Variants in PCLO observed in about 807,000 individuals in gnomAD.
The protein encoded by PCLO is protein piccolo.
In PCLO, 82 loss-of-function variants were observed where a neutral mutation model predicts 427.5. The observed-to-expected ratio is 0.19, with a 90% confidence interval of 0.16 to 0.23. The LOEUF (loss-of-function observed/expected upper bound fraction) is 0.23. Among genes scored for constraint, PCLO ranks in the 10% least tolerant of loss-of-function variants. The probability of loss-of-function intolerance (pLI) is 1.00; values close to 1 mark genes in which losing one functional copy is unlikely to be tolerated. For synonymous variants in PCLO, 2,357 were observed against 2,155.4 expected (o/e 1.09, Z -2.59); for missense variants, 6,239 against 6,115.9 (o/e 1.02, Z -0.67).
chr7:82,811,050 C>G (rs1791558262), intron 20 of PCLO, among the ~76,000 whole-genome samples: 1 of 151,630 alleles, frequency 6.6e-6, no homozygotes, highest in African/African-American at 2.4e-5. Context: ...CAGCACAGAG[C>G]TATTTCCAAA....
At chr7:83,085,738 A>G (rs886779655) in intron 3 of PCLO, among the ~76,000 whole-genome samples, 1 of 152,190 alleles carries the variant, frequency 6.6e-6, no homozygotes, top group Non-Finnish European at 1.5e-5. Context: ...CTTTAAAAAA[A>G]CACATTAATC....
intron 6 of PCLO, among the ~76,000 whole-genome samples, chr7:82,918,986 G>A (rs1207427828): frequency 1.3e-5 from 2 of 152,002 alleles, no homozygotes; most frequent in African/African-American, 4.8e-5. Flanking sequence ...CAGCTTAGAA[G>A]CTATATTTGA....
rs1449567918 is a variant in PCLO, at chr7:82,822,634, T to C, written c.14652A>G (p.Ser4884=). The change falls in exon 20 of 25, where the codon TCA becomes TCG. Residue 4884 remains serine (S), a synonymous_variant. Transcript: ENST00000333891. ...GAGAACGGAGATGGCCTTCTGATGA[T>C]GATTTTGAGCTACCAGGACTACTAT... ...KSHSSPGSSK[S]SSEGHLRSHG... is the part of the protein sequence containing the mutation. 2 of 1,613,838 alleles carry C rather than the reference T, an allele frequency of 1.2e-6. No individual in the cohort carries two copies. The highest frequency in any genetic ancestry group is 1.7e-4 in the Middle Eastern group (1 of 6,060).
Position 82,955,727 on chromosome 7 carries a change from G to C in PCLO, c.5226C>G (p.Asp1742Glu). 6.2e-7 allele frequency: 1 copy of C among 1,613,948 alleles called. No homozygotes were observed. Among genetic ancestry groups the C allele is most frequent in the Non-Finnish European group, 8.5e-7 (1 of 1,179,880 alleles). Residue 1742 changes from aspartate to glutamate, a missense_variant, in exon 5 of 25, where the codon GAC (aspartate) becomes GAG (glutamate). Asp to Glu is a conservative substitution (Grantham distance 45, BLOSUM62 2). Around this residue, in one of 5 missense-constraint regions of PCLO, gnomAD observed 4,677 missense variants for 4,468.4 expected, o/e 1.05. Coordinates refer to ENST00000333891, the MANE Select transcript of PCLO (RefSeq NM_033026.6). The part of the protein sequence containing the change: ...TSVSSLDEDS[D>E]SSPSHKKGES... ...CTCCTTTTTTGTGACTCGGGCTACTGTCACTGTCCTCATCAAGTGATGATA... is the reference window on the plus strand; with the variant it reads ...CTCCTTTTTTGTGACTCGGGCTACTCTCACTGTCCTCATCAAGTGATGATA...
chr7:82,942,216 A>T (rs1198592884), intron 6 of PCLO, among the ~76,000 whole-genome samples: 1 of 152,192 alleles, frequency 6.6e-6, no homozygotes, highest in East Asian at 1.9e-4. Context: ...TAATATGCTG[A>T]AATACATAGG....
rs534374863 is a variant in PCLO at position 83,005,168 on chromosome 7, GAAAT to G, written c.3301-38685_3301-38682del. Among the ~76,000 whole-genome samples, 8 of 151,522 alleles carry G rather than the reference GAAAT, an allele frequency of 5.3e-5. No individual in the cohort carries two copies. The South Asian group carries it at 1.5e-3, about 28-fold the overall frequency. On this transcript the variant is annotated intron_variant, in intron 3 of 24. Transcript: ENST00000333891. ...GCAGCTTTTGGGTATATATTAAAAA[GAAAT>G]AAAATTAATATGTCAAAGAAATATC...
At chr7:83,112,077 GAC>G (rs1791018444) in intron 3 of PCLO, among the ~76,000 whole-genome samples, 1 of 151,982 alleles carries the variant, frequency 6.6e-6, no homozygotes, top group South Asian at 2.1e-4. Context: ...TTGTTTTTGA[GAC>G]AGAGTCTCGC....
intron 3 of PCLO, among the ~76,000 whole-genome samples, chr7:83,032,062 C>T (rs565671127): frequency 1.3e-5 from 2 of 152,166 alleles, no homozygotes; most frequent in Non-Finnish European, 2.9e-5. Flanking sequence ...ATTTTTCTTG[C>T]TATACTAAAA....
intron 8 of PCLO, among the ~76,000 whole-genome samples, chr7:82,904,099 A>T (rs1389237025): frequency 6.6e-6 from 1 of 152,000 alleles, no homozygotes; most frequent in African/African-American, 2.4e-5. Context: ...GTAAAACAAA[A>T]ATACTGTTTA....
intron 22 of PCLO, among the ~76,000 whole-genome samples, chr7:82,785,689 GA>G (rs1184421124): frequency 1.3e-5 from 2 of 152,048 alleles, no homozygotes; most frequent in Non-Finnish European, 2.9e-5. Context: ...ATAGGTTCTT[GA>G]AAAAGTAAGC....
Position 82,835,778 on chromosome 7 carries a change from G to A in PCLO, c.14223-85C>T, listed in dbSNP as rs2115743355. The A allele has an allele frequency of 5.9e-6, 6 of 1,024,962 alleles. No homozygotes were observed. In the South Asian group the frequency reaches 7.1e-5, roughly 12 times the overall value. 63.5% of individuals were successfully genotyped at this position (1,024,962 alleles called of 1,614,324 possible). A position where few individuals can be genotyped will look rare whatever the true frequency, so the allele number is the denominator to read the frequency against. ...AGAAAATAGTTAGGAACAGAAATAA[G>A]AAAGAAAACATGAAAATAATAACTA... On this transcript the variant is annotated intron_variant, in intron 15 of 24. Transcript: ENST00000333891.
chr7:82,889,560 T>A (rs1584106222), intron 9 of PCLO, among the ~76,000 whole-genome samples: 1 of 152,300 alleles, frequency 6.6e-6, no homozygotes, highest in East Asian at 1.9e-4. Flanking sequence ...TGATAAGCAA[T>A]TTGAGAAGAT....
chr7:82,966,559 T>G, intron 3 of PCLO, 72 bp from the exon 4 acceptor site: 7 of 1,029,218 alleles, frequency 6.8e-6, no homozygotes, highest in Non-Finnish European at 9.3e-6. Flanking sequence ...TTTACCAAAG[T>G]GAAAATTTGG....
chr7:82,880,018 T>A (rs1793465468), intron 9 of PCLO, among the ~76,000 whole-genome samples: 1 of 152,200 alleles, frequency 6.6e-6, no homozygotes, highest in South Asian at 2.1e-4. Context: ...TCTTGACTGA[T>A]GAACATCTTA....
intron 3 of PCLO, among the ~76,000 whole-genome samples, chr7:83,094,808 T>C (rs66928266): frequency 0.46 from 69,807 of 151,958 alleles, 16,454 homozygotes; most frequent in East Asian, 0.71. Context: ...TTTTAAGAAA[T>C]CATCAAACTG....
intron 10 of PCLO, among the ~76,000 whole-genome samples, chr7:82,877,313 T>C (rs1328493138): frequency 6.6e-6 from 1 of 152,184 alleles, no homozygotes; most frequent in Non-Finnish European, 1.5e-5. Context: ...ATTTTATTTA[T>C]AAATTATTCA....
At chr7:82,938,346 A>ATGTAT (rs1277058676) in intron 6 of PCLO, among the ~76,000 whole-genome samples, 5 of 151,926 alleles carry the variant, frequency 3.3e-5, no homozygotes, top group Non-Finnish European at 7.4e-5. Context: ...ATTGCTATAC[A>ATGTAT]TGTATTTTTT....
At chr7:82,852,865 A>G (rs1281818146) in intron 10 of PCLO, among the ~76,000 whole-genome samples, 1 of 152,044 alleles carries the variant, frequency 6.6e-6, no homozygotes, top group Non-Finnish European at 1.5e-5. Flanking sequence ...ACCTCTTTTC[A>G]TGCCTCACTT....
intron 3 of PCLO, among the ~76,000 whole-genome samples, chr7:83,073,104 C>A (rs999206457): frequency 6.6e-6 from 1 of 151,886 alleles, no homozygotes; most frequent in South Asian, 2.1e-4. Flanking sequence ...TATGTCCCTG[C>A]GGACAGCCTC....
Sources: allele counts gnomAD v4.1 joint callset (sites outside exome capture counted in the v4.1 genomes callset), GRCh38; gene constraint gnomAD v4.1.1; regional missense constraint gnomAD v4.1.1; transcripts MANE v1.5; gene names NCBI Gene and HGNC (gene_info 2026-07-23, HGNC 2026-07-21).